The following TSC22D3 variants were observed in gnomAD, a reference collection of about 807,000 sequenced individuals.
TSC22D3 encodes TSC22 domain family member 3.
Under a neutral mutation model 11.1 loss-of-function variants are expected in TSC22D3, and 4 were observed. That is an observed-to-expected ratio of 0.36 (90% CI 0.18 to 0.83). TSC22D3 has a LOEUF of 0.83. TSC22D3 is among the 40% of genes least tolerant of loss of function. The pLI is 0.48. For missense variants in TSC22D3, 118 were observed against 159.4 expected (o/e 0.74, Z 1.40); for synonymous variants, 77 against 70.3 (o/e 1.10, Z -0.48).
At position 107,740,410 on chromosome X, in the gene TSC22D3, C is replaced by T. The variant is rs774116149; in HGVS notation, c.321-24460G>A. Among the ~76,000 whole-genome samples the T allele has an allele frequency of 2.2e-3, 246 of 111,569 alleles. 1 individual carries two copies. Among genetic ancestry groups the T allele is most frequent in the Middle Eastern group, 4.6e-3 (1 of 218 alleles). On this transcript the variant is annotated intron_variant, in intron 1 of 2. Transcript: ENST00000372383. ...CATGATGGCCAACATGGTGAAACCC[C>T]GTCTCTACCAACAATACAAAAATTA...
chrX:107,718,000 A>C (rs190367072), intron 1 of TSC22D3, among the ~76,000 whole-genome samples: 1 of 112,293 alleles, frequency 8.9e-6, no homozygotes, highest in Non-Finnish European at 1.9e-5. Flanking sequence ...CCAAAGGTAT[A>C]CATTTATATA....
intron 1 of TSC22D3, among the ~76,000 whole-genome samples, chrX:107,731,816 G>A (rs1243107050): frequency 1.0e-5 from 1 of 98,857 alleles, no homozygotes; most frequent in Non-Finnish European, 2.0e-5. Flanking sequence ...TGAGACAAAG[G>A]CAGCAAGCAA....
intron 1 of TSC22D3, chrX:107,716,510 G>T: frequency 2.0e-6 from 2 of 1,024,060 alleles, no homozygotes. Flanking sequence ...TTCGATGACG[G>T]ATCCCAGAGC....
At chrX:107,735,937 T>C (rs1928116219) in intron 1 of TSC22D3, among the ~76,000 whole-genome samples, 1 of 112,102 alleles carries the variant, frequency 8.9e-6, no homozygotes, top group Non-Finnish European at 1.9e-5. Context: ...TTCAATTCCC[T>C]GCTTTTTTGG....
intron 1 of TSC22D3, among the ~76,000 whole-genome samples, chrX:107,728,343 C>T (rs771357588): frequency 8.9e-6 from 1 of 112,634 alleles, no homozygotes; most frequent in African/African-American, 3.2e-5. Context: ...ACTTGGGAAA[C>T]CCAAACATAG....
At chrX:107,752,995 T>C (rs1042796217) in intron 1 of TSC22D3, among the ~76,000 whole-genome samples, 5 of 111,724 alleles carry the variant, frequency 4.5e-5, no homozygotes, top group Non-Finnish European at 7.5e-5. Context: ...AGAAGCCCCA[T>C]CCACTCAGGT....
intron 1 of TSC22D3, among the ~76,000 whole-genome samples, chrX:107,759,195 T>G (rs2147781446): frequency 9.0e-6 from 1 of 111,446 alleles, no homozygotes; most frequent in African/African-American, 3.3e-5. Flanking sequence ...TCGACCTCAA[T>G]GTTCTGTTCA....
chrX:107,744,509 T>C (rs774106924), intron 1 of TSC22D3, among the ~76,000 whole-genome samples: 1 of 111,429 alleles, frequency 9.0e-6, no homozygotes, highest in South Asian at 3.8e-4. Context: ...TAAATTTAAA[T>C]TAAAAAAAAG....
intron 1 of TSC22D3, among the ~76,000 whole-genome samples, chrX:107,728,217 C>T (rs1927734707): frequency 9.0e-6 from 1 of 111,020 alleles, no homozygotes. Context: ...TCGTGGAGAA[C>T]TATAGGCACA....
chrX:107,749,750 T>C (rs1380864218), intron 1 of TSC22D3, among the ~76,000 whole-genome samples: 1 of 111,886 alleles, frequency 8.9e-6, no homozygotes, highest in Non-Finnish European at 1.9e-5. Flanking sequence ...ATTGGGAGTG[T>C]TGAGCAGGAG....
intron 1 of TSC22D3, among the ~76,000 whole-genome samples, chrX:107,753,070 C>A (rs937471506): frequency 9.0e-6 from 1 of 111,589 alleles, no homozygotes; most frequent in Admixed American, 9.5e-5. Context: ...GGCTCAAGGG[C>A]CTGGGACTTG....
chrX:107,716,158 G>A (rs1342411087), intron 1 of TSC22D3: 3 of 651,634 alleles, frequency 4.6e-6, no homozygotes, highest in Non-Finnish European at 6.6e-6. Context: ...CCGGCTCAGC[G>A]CTGCTGCCGC....
intron 1 of TSC22D3, among the ~76,000 whole-genome samples, chrX:107,726,017 C>G (rs949123047): frequency 1.8e-5 from 2 of 111,367 alleles, no homozygotes; most frequent in African/African-American, 6.6e-5. Flanking sequence ...GACTCATTCC[C>G]CCCTCAAAAA....
chrX:107,739,124 A>T, intron 1 of TSC22D3, among the ~76,000 whole-genome samples: 1 of 113,225 alleles, frequency 8.8e-6, no homozygotes, highest in Non-Finnish European at 1.9e-5. Flanking sequence ...TGCAGCTGAC[A>T]TGCTGCTGGT....
chrX:107,741,920 T>C (rs1468351612), intron 1 of TSC22D3, among the ~76,000 whole-genome samples: 1 of 111,608 alleles, frequency 9.0e-6, no homozygotes, highest in African/African-American at 3.3e-5. Context: ...TCTCCAGCTG[T>C]TGGGCGGGCT....
chrX:107,732,699 A>G (rs1156788266), intron 1 of TSC22D3, among the ~76,000 whole-genome samples: 2 of 111,114 alleles, frequency 1.8e-5, no homozygotes, highest in Non-Finnish European at 3.8e-5. Flanking sequence ...TTGACATAAC[A>G]CTATGGAGAT....
intron 1 of TSC22D3, among the ~76,000 whole-genome samples, chrX:107,734,413 C>T (rs1166787973): frequency 8.9e-6 from 1 of 112,785 alleles, no homozygotes; most frequent in African/African-American, 3.2e-5. Flanking sequence ...TTTCAACCCT[C>T]CTCTTCACAA....
intron 1 of TSC22D3, among the ~76,000 whole-genome samples, chrX:107,761,818 A>T (rs891287646): frequency 8.9e-6 from 1 of 112,398 alleles, no homozygotes; most frequent in African/African-American, 3.2e-5. Context: ...TTAGGGCATT[A>T]GCAGTGACTG....
Position 107,714,463 on chromosome X carries a change from G to T in TSC22D3, c.*56C>A. ...TGCTTGGGGAGCCAAAAACAAACTGGAAAGAACTAGGTAAAACAAGTTTAG... is the reference window on the plus strand; with the variant it reads ...TGCTTGGGGAGCCAAAAACAAACTGTAAAGAACTAGGTAAAACAAGTTTAG... On this transcript the variant is annotated 3_prime_UTR_variant, in exon 3 of 3. Transcript: ENST00000372383. 2.8e-6 allele frequency: 3 copies of T among 1,088,262 alleles called. No individual in the cohort carries two copies. Among genetic ancestry groups the T allele is most frequent in the South Asian group, 2.0e-5 (1 of 49,453 alleles). 89.7% of individuals were successfully genotyped at this position (1,088,262 alleles called of 1,213,427 possible).
Sources: allele counts gnomAD v4.1 joint callset (sites outside exome capture counted in the v4.1 genomes callset), GRCh38; gene constraint gnomAD v4.1.1; transcripts MANE v1.5; gene names NCBI Gene and HGNC (gene_info 2026-07-23, HGNC 2026-07-21).